PKNOX2: variants seen among roughly 807,000 people sequenced by gnomAD.
PKNOX2 encodes homeobox protein PKNOX2.
In PKNOX2, 14 loss-of-function variants were observed where a neutral mutation model predicts 53.1. The observed-to-expected ratio is 0.26, with a 90% CI of 0.17 to 0.41. PKNOX2 has a LOEUF of 0.41. Among genes scored for constraint, PKNOX2 ranks in the 10% least tolerant of loss-of-function variants. PKNOX2 has a pLI of 1.00. For missense variants in PKNOX2, 496 were observed against 602.8 expected (o/e 0.82, Z 1.85); for synonymous variants, 257 against 242.8 (o/e 1.06, Z -0.54).
At chr11:125,218,561 G>A (rs577795087) in intron 1 of PKNOX2, among the ~76,000 whole-genome samples, 1 of 152,262 alleles carries the variant, frequency 6.6e-6, no homozygotes, top group East Asian at 1.9e-4. Context: ...AAGGCTGGGA[G>A]GTGTAGGCAG....
intron 2 of PKNOX2, among the ~76,000 whole-genome samples, chr11:125,315,303 G>GCAAAAAAAAAAAAAAAAAAAAAAAA (rs1949087067): frequency 2.5e-5 from 2 of 79,440 alleles, no homozygotes; most frequent in African/African-American, 7.8e-5. Flanking sequence ...TGTGAAGCAG[G>GCAAAAAAAAAAAAAAAAAAAAAAAA]AAAAAAAAAA....
chr11:125,248,973 CATATA>C (rs1455531091), intron 2 of PKNOX2, among the ~76,000 whole-genome samples: 11 of 128,450 alleles, frequency 8.6e-5, no homozygotes, highest in East Asian at 2.3e-4. Flanking sequence ...TACATATATA[CATATA>C]ATATATGTAT....
intron 5 of PKNOX2, among the ~76,000 whole-genome samples, chr11:125,369,285 A>C (rs779815201): frequency 7.2e-5 from 11 of 152,310 alleles, no homozygotes; most frequent in Middle Eastern, 3.4e-3. Flanking sequence ...CCTGTGAAAC[A>C]CACAGGCTAG....
intron 10 of PKNOX2, among the ~76,000 whole-genome samples, chr11:125,426,339 T>C (rs1956415049): frequency 6.6e-6 from 1 of 152,248 alleles, no homozygotes. Flanking sequence ...AGAGGGGTAC[T>C]TAGCACAGAC....
intron 4 of PKNOX2, among the ~76,000 whole-genome samples, chr11:125,355,826 T>A (rs1336040738): frequency 2.0e-5 from 3 of 152,168 alleles, no homozygotes; most frequent in Admixed American, 6.5e-5. Flanking sequence ...TCACTCCTTC[T>A]AGGCAAATAC....
intron 2 of PKNOX2, among the ~76,000 whole-genome samples, chr11:125,327,047 T>C (rs1301518922): frequency 6.6e-6 from 1 of 152,210 alleles, no homozygotes; most frequent in Non-Finnish European, 1.5e-5. Flanking sequence ...TTTTAGGCTC[T>C]TGGGCCAACT....
chr11:125,348,700 C>T (rs1455905007), intron 3 of PKNOX2, among the ~76,000 whole-genome samples: 2 of 152,206 alleles, frequency 1.3e-5, no homozygotes, highest in African/African-American at 4.8e-5. Context: ...CTAAAATGAC[C>T]CTGCCTTCCA....
chr11:125,421,134 G>A (rs1242129928), intron 10 of PKNOX2, among the ~76,000 whole-genome samples: 1 of 152,202 alleles, frequency 6.6e-6, no homozygotes, highest in Non-Finnish European at 1.5e-5. Context: ...GCACTAAGGG[G>A]GTTGATCATG....
At position 125,373,944 on chromosome 11, in the gene PKNOX2, C is replaced by T. The variant is rs912767880; in HGVS notation, c.227+5959C>T. ...GTGAGCCCCGAGAGAATGACAGCCA[C>T]GCTACCAATCCTGGGGCTGGGCTGG... On this transcript the variant is annotated intron_variant, in intron 5 of 12. Transcript: ENST00000298282. 1.2e-4 allele frequency among the ~76,000 whole-genome samples: 18 copies of T among 152,230 alleles called. No individual in the cohort carries two copies. In the South Asian group the frequency reaches 3.5e-3, roughly 30 times the overall value.
chr11:125,213,197 AG>A (rs1940076133), intron 1 of PKNOX2, among the ~76,000 whole-genome samples: 1 of 152,004 alleles, frequency 6.6e-6, no homozygotes, highest in South Asian at 2.1e-4. Context: ...TTTGTGTCTA[AG>A]CCCCAAGTTT....
At chr11:125,384,459 G>A (rs567912703) in intron 5 of PKNOX2, among the ~76,000 whole-genome samples, 3 of 152,298 alleles carry the variant, frequency 2.0e-5, no homozygotes, top group African/African-American at 7.2e-5. Flanking sequence ...GCTGAGACGG[G>A]CGGATCACGA....
At chr11:125,339,402 C>A (rs1410197790) in intron 3 of PKNOX2, among the ~76,000 whole-genome samples, 8 of 152,192 alleles carry the variant, frequency 5.3e-5, no homozygotes, top group Admixed American at 5.2e-4. Flanking sequence ...GATGGGGTGC[C>A]CTGACTTGAA....
intron 2 of PKNOX2, among the ~76,000 whole-genome samples, chr11:125,291,700 G>T (rs777132362): frequency 1.3e-5 from 2 of 152,124 alleles, no homozygotes; most frequent in Non-Finnish European, 2.9e-5. Flanking sequence ...AGGAAATGAG[G>T]TCTATCCATA....
chr11:125,418,455 G>C (rs900709303), intron 10 of PKNOX2, among the ~76,000 whole-genome samples: 2 of 152,026 alleles, frequency 1.3e-5, no homozygotes, highest in Non-Finnish European at 2.9e-5. Context: ...GACTCTGTCA[G>C]ATGCCCAGCT....
intron 12 of PKNOX2, 130 bp downstream of exon 12, chr11:125,430,271 A>G (rs1956635555): frequency 1.8e-6 from 2 of 1,103,668 alleles, no homozygotes; most frequent in South Asian, 1.7e-5. Context: ...TGCCACAGTG[A>G]TTATCCCTCC....
At chr11:125,239,732 T>C (rs1943005527) in intron 2 of PKNOX2, 1 of 152,180 alleles carries the variant, frequency 6.6e-6, no homozygotes, top group Non-Finnish European at 1.5e-5. Flanking sequence ...TCGAAGGGTG[T>C]GTGCTAAGGT....
intron 2 of PKNOX2, among the ~76,000 whole-genome samples, chr11:125,242,763 G>C (rs915371197): frequency 2.0e-5 from 3 of 152,046 alleles, no homozygotes; most frequent in Non-Finnish European, 4.4e-5. Context: ...TGCCCTGCTT[G>C]TTGTTCTTTG....
At position 125,194,353 on chromosome 11, in the gene PKNOX2, A is replaced by G. The variant is rs180899715; in HGVS notation, c.-201+29577A>G. Among the ~76,000 whole-genome samples, 492 of 152,278 alleles carry G rather than the reference A, an allele frequency of 3.2e-3. 7 individuals carry two copies. The highest frequency in any genetic ancestry group is 0.012 in the African/African-American group (483 of 41,566). On this transcript the variant is annotated intron_variant, in intron 1 of 12. Coordinates refer to ENST00000298282, the MANE Select transcript of PKNOX2 (RefSeq NM_001382323.2). Reference sequence around the variant, plus strand: ...CTCCTGGTCTTTGCTGATGCTTCTCATCAGAAGATAACACAGCGAGTCTTT... The same window carrying G: ...CTCCTGGTCTTTGCTGATGCTTCTCGTCAGAAGATAACACAGCGAGTCTTT...
chr11:125,317,569 G>A (rs191105507), intron 2 of PKNOX2, among the ~76,000 whole-genome samples: 13 of 152,308 alleles, frequency 8.5e-5, no homozygotes, highest in Admixed American at 7.2e-4. Flanking sequence ...GGGTAATCAC[G>A]TGCATTGCCA....
Sources: gnomAD v4.1 joint callset for allele counts (sites outside exome capture counted in the v4.1 genomes callset) on GRCh38, gnomAD v4.1.1 for gene constraint, MANE v1.5 for transcripts, NCBI Gene and HGNC (gene_info 2026-07-23, HGNC 2026-07-21) for gene names.